EML1: variants seen among roughly 807,000 people sequenced by gnomAD.
The protein encoded by EML1 is EMAP like 1.
Under a neutral mutation model 110.4 loss-of-function variants are expected in EML1, and 27 were observed. The observed-to-expected ratio is 0.24, with a 90% confidence interval of 0.18 to 0.34. EML1 has a LOEUF of 0.34. Ranked by LOEUF, EML1 falls within the 10% of genes least tolerant of loss-of-function variation. The pLI, the probability that EML1 is intolerant of heterozygous loss-of-function variation, is 1.00. For synonymous variants in EML1, 344 were observed against 385.8 expected (o/e 0.89, Z 1.27); for missense variants, 741 against 1,030.9 (o/e 0.72, Z 3.85).
At chr14:99,917,537 G>A (rs150082388) in intron 15 of EML1, among the ~76,000 whole-genome samples, 235 of 152,262 alleles carry the variant, frequency 1.5e-3, no homozygotes, top group Middle Eastern at 0.014. Flanking sequence ...TCCAGCCTGT[G>A]CAATAGAGTG....
In EML1 at chr14:99,821,023, CTT is replaced by C. The variant is rs869159128; in HGVS notation, c.67+27498_67+27499del. On this transcript the variant is annotated intron_variant, in intron 1 of 21. Transcript: ENST00000262233. ...ATTGCAGCAGGACTTCTTACATTTACTTTTTTTTTTTTTTTTTTTGGAGACAG... is the reference window on the plus strand; with the variant it reads ...ATTGCAGCAGGACTTCTTACATTTACTTTTTTTTTTTTTTTTTGGAGACAG... Among the ~76,000 whole-genome samples, 564 of 133,768 alleles carry C rather than the reference CTT, an allele frequency of 4.2e-3. 2 individuals are homozygous for C. The highest frequency in any genetic ancestry group is 0.014 in the African/African-American group (501 of 35,552). The allele number at this position is 133,768 out of a possible 152,430, so 87.8% of individuals were successfully genotyped here. A position where few individuals can be genotyped will look rare whatever the true frequency, so the allele number is the denominator to read the frequency against.
chr14:99,927,415 C>A (rs1358390855), intron 17 of EML1, among the ~76,000 whole-genome samples: 1 of 152,066 alleles, frequency 6.6e-6, no homozygotes, highest in Admixed American at 6.5e-5. Flanking sequence ...TGCTGGATAT[C>A]GAGGCTTGGT....
chr14:99,913,627 T>C (rs953417580), intron 13 of EML1, among the ~76,000 whole-genome samples: 4 of 152,218 alleles, frequency 2.6e-5, no homozygotes, highest in African/African-American at 9.7e-5. Flanking sequence ...TTCTAAGATA[T>C]ATAAAATGTT....
intron 1 of EML1, among the ~76,000 whole-genome samples, chr14:99,752,630 C>T (rs966690030): frequency 2.6e-5 from 4 of 152,126 alleles, no homozygotes; most frequent in African/African-American, 9.7e-5. Flanking sequence ...CAGTGCCTGC[C>T]TTGGGGCTTG....
chr14:99,798,413 G>A (rs1464990785), intron 1 of EML1, among the ~76,000 whole-genome samples: 1 of 137,782 alleles, frequency 7.3e-6, no homozygotes, highest in Non-Finnish European at 1.5e-5. Flanking sequence ...TTTTTTTCGA[G>A]ACAGAGTCTC....
chr14:99,932,176 C>T (rs1416684752), intron 17 of EML1, among the ~76,000 whole-genome samples: 1 of 152,156 alleles, frequency 6.6e-6, no homozygotes, highest in Admixed American at 6.5e-5. Context: ...TACGATCAGC[C>T]GGTTCCCCTC....
chr14:99,882,519 T>C (rs1343978186), intron 4 of EML1, among the ~76,000 whole-genome samples: 3 of 152,220 alleles, frequency 2.0e-5, no homozygotes, highest in African/African-American at 7.2e-5. Context: ...CTAGAAACTT[T>C]GTTGTCACAT....
At chr14:99,899,867 A>T (rs925799682) in intron 8 of EML1, among the ~76,000 whole-genome samples, 1 of 152,144 alleles carries the variant, frequency 6.6e-6, no homozygotes, top group Non-Finnish European at 1.5e-5. Context: ...TATTATAGTT[A>T]TCTTTCAGTT....
chr14:99,863,698 G>A (rs564858316), intron 2 of EML1, among the ~76,000 whole-genome samples: 51 of 152,316 alleles, frequency 3.3e-4, no homozygotes, highest in Middle Eastern at 6.8e-3. Flanking sequence ...ATATTCCATT[G>A]TATGGATGGG....
At chr14:99,917,981 ATTAAG>A in intron 16 of EML1, 132 bp downstream of exon 16, 1 of 877,778 alleles carries the variant, frequency 1.1e-6, no homozygotes, top group East Asian at 2.6e-5. Context: ...CTTACCAAGA[ATTAAG>A]TTAAAAGCGA....
At position 99,939,542 on chromosome 14, in the gene EML1, A is replaced by G. The variant is rs2060541750; in HGVS notation, c.2322+215A>G. On this transcript the variant is annotated intron_variant, in intron 21 of 21. Transcript: ENST00000262233. This position sits in a 1 kb window ranked among gnomAD's most constrained non-coding sequence, Gnocchi z 4.2. ...CAAAGCCGTTCAGAGCTGCTCATCC[A>G]CCTCTGCAGCCCCACAGGCTCACGA... Among the ~76,000 whole-genome samples, 1 of 151,242 alleles carries G rather than the reference A, an allele frequency of 6.6e-6. No individual in the cohort carries two copies. Among genetic ancestry groups the G allele is most frequent in the Non-Finnish European group, 1.5e-5 (1 of 67,780 alleles).
At chr14:99,743,738 C>T (rs983118525) in intron 1 of EML1, among the ~76,000 whole-genome samples, 5 of 152,186 alleles carry the variant, frequency 3.3e-5, no homozygotes, top group Admixed American at 1.3e-4. Flanking sequence ...GAAGTACCCT[C>T]GCAGGCTTTT....
chr14:99,765,641 T>G (rs2057360656), intron 1 of EML1, among the ~76,000 whole-genome samples: 1 of 152,178 alleles, frequency 6.6e-6, no homozygotes, highest in Non-Finnish European at 1.5e-5. Flanking sequence ...TCTGGCTCTT[T>G]CGCCCAGGCT....
rs74359940 is a variant in EML1 at position 99,779,843 on chromosome 14, T to G, written c.-27+5830T>G. ...GTAGAGAACCCCTTGGTTCACCTAT[T>G]TAACAGATTGAAACTCCAATCTTCA... On this transcript the variant is annotated intron_variant, in intron 1 of 22. Transcript: ENST00000327921. Among the ~76,000 whole-genome samples, 421 of 152,308 alleles carry G rather than the reference T, an allele frequency of 2.8e-3. 2 individuals are homozygous for G. The highest frequency in any genetic ancestry group is 9.9e-3 in the African/African-American group (412 of 41,558).
chr14:99,753,649 C>T (rs938513996), intron 1 of EML1, among the ~76,000 whole-genome samples: 1 of 152,132 alleles, frequency 6.6e-6, no homozygotes, highest in African/African-American at 2.4e-5. Context: ...GCCTGATAGA[C>T]GGTGAGCGTC....
intron 10 of EML1, among the ~76,000 whole-genome samples, chr14:99,908,777 C>T (rs2059898333): frequency 6.6e-6 from 1 of 152,156 alleles, no homozygotes; most frequent in South Asian, 2.1e-4. Context: ...CAGGCAGAGT[C>T]CCAGGAGTCA....
chr14:99,759,910 A>C (rs1212172509), intron 1 of EML1, among the ~76,000 whole-genome samples: 2 of 151,956 alleles, frequency 1.3e-5, no homozygotes, highest in Non-Finnish European at 2.9e-5. Context: ...GGTCAGAGAC[A>C]AGCCTGACCA....
In EML1 at chr14:99,940,815, C is replaced by T. The variant is rs535833714; in HGVS notation, c.*703C>T. ...CAGATGCGGTCAGCCTCTTCACACC[C>T]ACCTGGCTTGCATCCCCCATCCCTT... is the stretch of plus-strand genomic sequence containing the variant. On this transcript the variant is annotated 3_prime_UTR_variant, in exon 22 of 22. Coordinates refer to ENST00000262233, the MANE Select transcript of EML1 (RefSeq NM_004434.3). 1 of 152,358 alleles carries T rather than the reference C, an allele frequency of 6.6e-6. No individual in the cohort carries two copies. Among genetic ancestry groups the T allele is most frequent in the East Asian group, 1.9e-4 (1 of 5,188 alleles). 9.4% of individuals were successfully genotyped at this position (152,358 alleles called of 1,614,324 possible).
intron 1 of EML1, among the ~76,000 whole-genome samples, chr14:99,739,065 A>AGTGTGTGTGTGTGTGTGTGTGTGTGT (rs35246718): frequency 7.2e-6 from 1 of 138,918 alleles, no homozygotes; most frequent in Non-Finnish European, 1.5e-5. Flanking sequence ...AGAGTGTGAG[A>AGTGTGTGTGTGTGTGTGTGTGTGTGT]GTGTGTGTGT....
Sources: allele counts gnomAD v4.1 joint callset (sites outside exome capture counted in the v4.1 genomes callset), GRCh38; gene constraint gnomAD v4.1.1; non-coding constraint Gnocchi (gnomAD v3.1); transcripts MANE v1.5; gene names NCBI Gene and HGNC (gene_info 2026-07-23, HGNC 2026-07-21).